The following PIK3C3 variants were observed in gnomAD, a reference collection of about 807,000 sequenced individuals.
The protein encoded by PIK3C3 is phosphatidylinositol 3-kinase catalytic subunit type 3, also known as PI3-kinase type 3.
A neutral mutation model predicts 126.1 loss-of-function variants in PIK3C3; 95 were observed. The observed-to-expected ratio is 0.75, with a 90% CI of 0.64 to 0.89. The LOEUF is 0.89. Among genes scored for constraint, PIK3C3 ranks in the 40% least tolerant of loss-of-function variants. The pLI, the probability that PIK3C3 is intolerant of heterozygous loss-of-function variation, is 0.00. For synonymous variants in PIK3C3, 374 were observed against 360.0 expected, an observed-to-expected ratio of 1.04 and a Z score of -0.44; for missense variants, 829 against 1,063.2, an observed-to-expected ratio of 0.78 and a Z score of 3.06.
intron 4 of PIK3C3, among the ~76,000 whole-genome samples, chr18:41,978,442 A>G (rs1054039898): frequency 5.9e-5 from 9 of 152,182 alleles, no homozygotes; most frequent in African/African-American, 1.9e-4. Flanking sequence ...GTTCCATTCA[A>G]TTGAGAACCT....
chr18:41,982,509 G>A (rs774723810), intron 4 of PIK3C3, among the ~76,000 whole-genome samples: 13 of 152,144 alleles, frequency 8.5e-5, no homozygotes, highest in Non-Finnish European at 1.0e-4. Context: ...GCTTTATTTA[G>A]CATTATCTTT....
chr18:42,024,598 G>A (rs911980186), intron 13 of PIK3C3, among the ~76,000 whole-genome samples: 7 of 151,752 alleles, frequency 4.6e-5, no homozygotes, highest in Non-Finnish European at 8.8e-5. Flanking sequence ...ACCAAGCCCG[G>A]CTAATTTTGT....
chr18:42,010,133 T>C (rs1025050211), intron 10 of PIK3C3, among the ~76,000 whole-genome samples: 1 of 152,188 alleles, frequency 6.6e-6, no homozygotes, highest in African/African-American at 2.4e-5. Context: ...CAACTATGTT[T>C]ATGGAGTATT....
Position 42,031,568 on chromosome 18 carries a change from G to A in PIK3C3, c.1707+2127G>A, listed in dbSNP as rs576388137. On this transcript the variant is annotated intron_variant, in intron 15 of 24. Coordinates refer to ENST00000262039, the MANE Select transcript of PIK3C3 (RefSeq NM_002647.4). The stretch of plus-strand genomic sequence containing the variant: ...GCCTCCCAGGCAGCTGGGACTGCAG[G>A]CGTGCACCACCACGCCTGGCTAATT... Among the ~76,000 whole-genome samples, 337 of 152,192 alleles carry A rather than the reference G, an allele frequency of 2.2e-3. 1 individual carries two copies. The highest frequency in any genetic ancestry group is 7.5e-3 in the African/African-American group (312 of 41,534).
At position 42,073,374 on chromosome 18, in the gene PIK3C3, G is replaced by A. The variant is rs541210437; in HGVS notation, c.2649+5861G>A. ...TATTTGGGTGGATTTCAAAACAAAA[G>A]AAACAAAAAAAATGGAAGGAGGAAA... On this transcript the variant is annotated intron_variant, in intron 24 of 24. Transcript: ENST00000262039. Among the ~76,000 whole-genome samples the A allele has an allele frequency of 3.9e-5, 6 of 152,004 alleles. No homozygotes were observed. In the South Asian group the frequency reaches 1.0e-3, roughly 26 times the overall value.
At chr18:42,064,904 A>C in intron 23 of PIK3C3, 74 bp downstream of exon 23, 2 of 768,192 alleles carry the variant, frequency 2.6e-6, no homozygotes, top group Non-Finnish European at 4.6e-6. Flanking sequence ...ACAACCTCTC[A>C]AGTCTCTGCA....
At chr18:42,066,701 A>G (rs926761591) in intron 23 of PIK3C3, among the ~76,000 whole-genome samples, 1 of 152,188 alleles carries the variant, frequency 6.6e-6, no homozygotes, top group Non-Finnish European at 1.5e-5. Context: ...ACTTTTATAT[A>G]TATATAAAAT....
At chr18:42,031,964 T>TA (rs1294262197) in intron 15 of PIK3C3, among the ~76,000 whole-genome samples, 2 of 152,134 alleles carry the variant, frequency 1.3e-5, no homozygotes, top group Admixed American at 1.3e-4. Flanking sequence ...AATAAATAAA[T>TA]AAAATGTATA....
At chr18:41,970,537 G>C (rs769439054) in intron 4 of PIK3C3, 81 bp downstream of exon 4, 3 of 1,235,852 alleles carry the variant, frequency 2.4e-6, no homozygotes, top group Non-Finnish European at 3.5e-6. Flanking sequence ...TATGAACTCT[G>C]TCAGATTTTT....
intron 20 of PIK3C3, among the ~76,000 whole-genome samples, chr18:42,049,075 C>T (rs2144489307): frequency 6.6e-6 from 1 of 152,306 alleles, no homozygotes; most frequent in Middle Eastern, 3.4e-3. Context: ...GTCTTTACCA[C>T]TCAAATGAAT....
rs531841183 is a variant in PIK3C3, at chr18:42,065,482, T to G, written c.2523+652T>G. Among the ~76,000 whole-genome samples, 46 of 152,322 alleles carry G rather than the reference T, an allele frequency of 3.0e-4. 1 individual carries two copies. In the Middle Eastern group the frequency reaches 0.034, roughly 113 times the overall value. ...AAATGAAATATTAATTGGGTAGGCT[T>G]AACAGCAGATTGAGTTATGGCATTA... On this transcript the variant is annotated intron_variant, in intron 23 of 24. Transcript: ENST00000262039.
At chr18:42,014,792 A>G (rs189091588) in intron 11 of PIK3C3, among the ~76,000 whole-genome samples, 5 of 152,298 alleles carry the variant, frequency 3.3e-5, no homozygotes, top group East Asian at 1.9e-4. Flanking sequence ...TGGTTATGCT[A>G]TGCTTTATGT....
chr18:41,970,720 C>G (rs1980624485), intron 4 of PIK3C3: 2 of 582,028 alleles, frequency 3.4e-6, no homozygotes, highest in African/African-American at 1.9e-5. Context: ...AAAGAAACCG[C>G]ACCATTAACA....
intron 2 of PIK3C3, among the ~76,000 whole-genome samples, chr18:41,960,149 G>A (rs1167615131): frequency 6.6e-6 from 1 of 152,034 alleles, no homozygotes; most frequent in Non-Finnish European, 1.5e-5. Flanking sequence ...CTAATAATGA[G>A]GAACTCATCC....
At chr18:42,027,799 C>T (rs1211009620) in intron 14 of PIK3C3, among the ~76,000 whole-genome samples, 2 of 152,006 alleles carry the variant, frequency 1.3e-5, no homozygotes, top group African/African-American at 4.8e-5. Context: ...AGATTAAAGG[C>T]GCCCGCTACC....
chr18:42,058,800 G>A (rs549461313), intron 22 of PIK3C3, among the ~76,000 whole-genome samples: 2 of 152,212 alleles, frequency 1.3e-5, no homozygotes, highest in African/African-American at 4.8e-5. Flanking sequence ...ATGATTATTA[G>A]TCAAAAATGA....
intron 19 of PIK3C3, among the ~76,000 whole-genome samples, chr18:42,042,438 G>C (rs890997452): frequency 1.9e-4 from 29 of 152,066 alleles, no homozygotes; most frequent in Admixed American, 9.8e-4. Flanking sequence ...AGTCAAACCT[G>C]TCAGTGGTCC....
intron 4 of PIK3C3, among the ~76,000 whole-genome samples, chr18:41,984,435 A>G (rs1036683178): frequency 9.2e-5 from 14 of 152,092 alleles, no homozygotes; most frequent in Non-Finnish European, 1.5e-4. Flanking sequence ...ATAGTGCTTT[A>G]TAGTTTTATA....
At chr18:42,066,853 G>A (rs1039381499) in intron 23 of PIK3C3, among the ~76,000 whole-genome samples, 7 of 152,114 alleles carry the variant, frequency 4.6e-5, no homozygotes, top group Non-Finnish European at 8.8e-5. Flanking sequence ...GGGATGTAGG[G>A]AAATTCAATA....
Sources: gnomAD v4.1 joint callset for allele counts (sites outside exome capture counted in the v4.1 genomes callset) on GRCh38, gnomAD v4.1.1 for gene constraint, MANE v1.5 for transcripts, NCBI Gene and HGNC (gene_info 2026-07-23, HGNC 2026-07-21) for gene names.